The following RBFOX1 variants were observed in gnomAD, a reference collection of about 807,000 sequenced individuals.
The protein encoded by RBFOX1 is RNA binding protein fox-1 homolog 1.
A neutral mutation model predicts 57.7 loss-of-function variants in RBFOX1; 8 were observed. That is an observed-to-expected ratio of 0.14 (90% confidence interval 0.08 to 0.25). RBFOX1 has a LOEUF of 0.25. Ranked by LOEUF, RBFOX1 falls within the 10% of genes least tolerant of loss-of-function variation. RBFOX1 has a pLI of 1.00. For missense variants in RBFOX1, 611 were observed against 548.5 expected, an observed-to-expected ratio of 1.11 and a Z score of -1.14; for synonymous variants, 326 against 222.4, an observed-to-expected ratio of 1.47 and a Z score of -4.15.
chr16:7,028,983 A>G (rs907930704), intron 3 of RBFOX1, among the ~76,000 whole-genome samples: 11 of 146,664 alleles, frequency 7.5e-5, no homozygotes, highest in Non-Finnish European at 1.2e-4. Flanking sequence ...TGGAAGACCA[A>G]TCTCCAGATG....
At chr16:7,676,912 T>C (rs2073443559) in intron 14 of RBFOX1, 74 bp downstream of exon 14, 4 of 1,437,806 alleles carry the variant, frequency 2.8e-6, no homozygotes, top group South Asian at 2.3e-5. Context: ...GATTCTTGTA[T>C]GGTCTTGGTG....
At chr16:6,334,116 A>G (rs899140357) in intron 2 of RBFOX1, among the ~76,000 whole-genome samples, 1 of 152,184 alleles carries the variant, frequency 6.6e-6, no homozygotes, top group Non-Finnish European at 1.5e-5. Flanking sequence ...AGGAAATCTA[A>G]GTATTACTTT....
At chr16:7,434,359 C>G (rs2098705758) in intron 4 of RBFOX1, among the ~76,000 whole-genome samples, 1 of 152,034 alleles carries the variant, frequency 6.6e-6, no homozygotes, top group South Asian at 2.1e-4. Context: ...GTAGTCCCAG[C>G]TACTCTGAAG....
intron 3 of RBFOX1, among the ~76,000 whole-genome samples, chr16:6,831,932 A>G (rs572599557): frequency 1.3e-5 from 2 of 152,332 alleles, no homozygotes; most frequent in East Asian, 3.9e-4. Context: ...TTCTCTCTAA[A>G]GGGGTGGAAT....
At chr16:7,671,803 T>C (rs75695223) in intron 13 of RBFOX1, among the ~76,000 whole-genome samples, 1 of 152,188 alleles carries the variant, frequency 6.6e-6, no homozygotes, top group East Asian at 1.9e-4. Flanking sequence ...ATCCACTGTG[T>C]TGTGGCAGTT....
intron 4 of RBFOX1, among the ~76,000 whole-genome samples, chr16:7,261,417 CT>C (rs2094914641): frequency 6.6e-6 from 1 of 152,146 alleles, no homozygotes; most frequent in African/African-American, 2.4e-5. Flanking sequence ...GGGGCCCAGC[CT>C]CTATTTGGTG....
chr16:7,413,311 T>C (rs1287410346), intron 4 of RBFOX1, among the ~76,000 whole-genome samples: 2 of 152,030 alleles, frequency 1.3e-5, no homozygotes, highest in African/African-American at 4.8e-5. Flanking sequence ...CCCTCCTGCA[T>C]CTGACCCCCT....
At position 6,786,360 on chromosome 16, in the gene RBFOX1, C is replaced by A. The variant is rs573143818; in HGVS notation, c.-16+131710C>A. ...TGTACCCCCACAATGAGGAGAGTCC[C>A]TGTTGTCCCAGACAGCATTATTCTT... is the stretch of plus-strand genomic sequence containing the variant. On this transcript the variant is annotated intron_variant, in intron 3 of 15. Coordinates refer to ENST00000550418, the MANE Select transcript of RBFOX1 (RefSeq NM_018723.4). 3.9e-5 allele frequency among the ~76,000 whole-genome samples: 6 copies of A among 152,246 alleles called. No individual in the cohort carries two copies. In the Middle Eastern group the frequency reaches 0.014, roughly 345 times the overall value.
Position 6,506,624 on chromosome 16 carries a change from A to ATTTTTTTTT in RBFOX1, c.-63-147946_-63-147938dup, listed in dbSNP as rs71145238. On this transcript the variant is annotated intron_variant, in intron 2 of 15. Transcript: ENST00000550418. ...ACGGTAATAACAATCACAGTAGCTA[A>ATTTTTTTTT]TTTTTTTTTTTTTTTTTTTTTTTTT... Among the ~76,000 whole-genome samples, 13 of 98,458 alleles carry ATTTTTTTTT rather than the reference A, an allele frequency of 1.3e-4. 2 individuals are homozygous for ATTTTTTTTT. Among genetic ancestry groups the ATTTTTTTTT allele is most frequent in the African/African-American group, 5.2e-4 (12 of 22,972 alleles). 64.6% of individuals were successfully genotyped at this position (98,458 alleles called of 152,430 possible). A position where few individuals can be genotyped will look rare whatever the true frequency, so the allele number is the denominator to read the frequency against.
chr16:5,552,790 C>A (rs1294756114), intron 2 of RBFOX1, among the ~76,000 whole-genome samples: 2 of 152,120 alleles, frequency 1.3e-5, no homozygotes, highest in African/African-American at 4.8e-5. Context: ...GAAGTCCCTG[C>A]TGCTAAACAA....
chr16:7,433,176 C>A (rs1427504304), intron 4 of RBFOX1, among the ~76,000 whole-genome samples: 1 of 152,150 alleles, frequency 6.6e-6, no homozygotes, highest in Non-Finnish European at 1.5e-5. Context: ...TCTGGGACTT[C>A]TTAGGAGGAA....
chr16:6,081,669 A>AT (rs547759639), intron 1 of RBFOX1, among the ~76,000 whole-genome samples: 100 of 152,218 alleles, frequency 6.6e-4, no homozygotes, highest in African/African-American at 2.2e-3. Context: ...TTATTTATTT[A>AT]TTTATTTTTG....
chr16:6,869,540 T>G (rs1232826253), intron 3 of RBFOX1, among the ~76,000 whole-genome samples: 1 of 152,088 alleles, frequency 6.6e-6, no homozygotes, highest in African/African-American at 2.4e-5. Context: ...GAATCCTTTT[T>G]GTTCATAAAA....
chr16:5,605,001 T>C (rs77315082), downstream of RBFOX1, among the ~76,000 whole-genome samples: 5,670 of 152,290 alleles, frequency 0.037, 249 homozygotes, highest in African/African-American at 0.11. Context: ...GTGAAACTCC[T>C]GTTCCCTTCT....
intron 3 of RBFOX1, among the ~76,000 whole-genome samples, chr16:5,777,064 G>C (rs7342740): frequency 0.5 from 76,270 of 152,084 alleles, 19,948 homozygotes; most frequent in African/African-American, 0.65. Context: ...ATGCCCTGAC[G>C]TCATCCATTG....
intron 2 of RBFOX1, among the ~76,000 whole-genome samples, chr16:6,571,127 G>A (rs1334348502): frequency 2.0e-5 from 3 of 152,168 alleles, no homozygotes; most frequent in African/African-American, 7.2e-5. Context: ...GAATATCTTG[G>A]AGTTGACATC....
At chr16:7,682,417 C>G (rs1271327759) in intron 14 of RBFOX1, among the ~76,000 whole-genome samples, 1 of 151,936 alleles carries the variant, frequency 6.6e-6, no homozygotes, top group Non-Finnish European at 1.5e-5. Context: ...GGGATACAGA[C>G]CCAAAGGCAG....
chr16:7,050,938 C>G (rs556546305), intron 3 of RBFOX1, among the ~76,000 whole-genome samples: 66 of 152,120 alleles, frequency 4.3e-4, no homozygotes, highest in African/African-American at 1.6e-3. Flanking sequence ...ATTTGGGGCT[C>G]TGGTGCATCC....
chr16:6,077,241 A>C (rs1993122), intron 1 of RBFOX1, among the ~76,000 whole-genome samples: 2 of 152,152 alleles, frequency 1.3e-5, no homozygotes, highest in South Asian at 4.1e-4. Context: ...AGAGATGGGC[A>C]GACACCATGG....
Sources: allele counts gnomAD v4.1 joint callset (sites outside exome capture counted in the v4.1 genomes callset), GRCh38; gene constraint gnomAD v4.1.1; transcripts MANE v1.5; gene names NCBI Gene and HGNC (gene_info 2026-07-23, HGNC 2026-07-21).